FBXW4: variants seen among roughly 807,000 people sequenced by gnomAD.
FBXW4 encodes F-box and WD repeat domain containing 4.
A neutral mutation model predicts 61.8 loss-of-function variants in FBXW4; 40 were observed. The observed-to-expected ratio is 0.65, with a 90% confidence interval of 0.50 to 0.84. FBXW4 has a LOEUF of 0.84. Ranked by LOEUF, FBXW4 falls within the 40% of genes least tolerant of loss-of-function variation. FBXW4 has a pLI of 0.00. For synonymous variants in FBXW4, 311 were observed against 313.8 expected (o/e 0.99, Z 0.10); for missense variants, 672 against 753.8 (o/e 0.89, Z 1.27).
At chr10:101,676,799 A>G (rs2064415217) in intron 1 of FBXW4, 1 of 156,800 alleles carries the variant, frequency 6.4e-6, no homozygotes, top group Non-Finnish European at 1.4e-5. Context: ...CAGATCATAA[A>G]CTTAAAATCT....
intron 1 of FBXW4, among the ~76,000 whole-genome samples, chr10:101,677,658 C>A (rs1287559788): frequency 1.3e-5 from 2 of 151,992 alleles, no homozygotes; most frequent in Non-Finnish European, 2.9e-5. Flanking sequence ...TAGTGGCTCA[C>A]AACTGTAATC....
intron 1 of FBXW4, among the ~76,000 whole-genome samples, chr10:101,683,875 TACA>T (rs2134913236): frequency 6.6e-6 from 1 of 152,280 alleles, no homozygotes; most frequent in East Asian, 1.9e-4. Context: ...TCTCCAAGTG[TACA>T]ACAAGGCCAT....
chr10:101,694,397 G>C lies in FBXW4; in HGVS notation c.709C>G (p.Arg237Gly). ...ARASLNSGFT[R>G]LGTDLMTSVP... Reference sequence around the variant, plus strand: ...GACGCTTACAGGTCGGTGCCGAGCCGCGTGAAGCCGGAGTTGAGCGAGGCC... The same window carrying C: ...GACGCTTACAGGTCGGTGCCGAGCCCCGTGAAGCCGGAGTTGAGCGAGGCC... Residue 237 changes from arginine (R) to glycine (G), a missense_variant, in exon 1 of 9, where the codon CGG becomes GGG. Arg to Gly is a moderately radical substitution (Grantham distance 125). Around this residue, in one of 5 missense-constraint regions of FBXW4, gnomAD observed 311 missense variants for 301.1 expected, o/e 1.03. Transcript: ENST00000331272. This position sits in a 1 kb window ranked among gnomAD's most constrained non-coding sequence, Gnocchi z 6.0. 1 of 1,480,982 alleles carries C rather than the reference G, an allele frequency of 6.8e-7. No individual in the cohort carries two copies. The highest frequency in any genetic ancestry group is 8.9e-7 in the Non-Finnish European group (1 of 1,127,662). The allele number at this position is 1,480,982 out of a possible 1,614,324, so 91.7% of individuals were successfully genotyped here.
chr10:101,665,045 G>T (rs1411675591), intron 5 of FBXW4, among the ~76,000 whole-genome samples: 1 of 152,128 alleles, frequency 6.6e-6, no homozygotes, highest in Admixed American at 6.5e-5. Context: ...CTGCTTTAAA[G>T]AACAGACCCT....
intron 5 of FBXW4, among the ~76,000 whole-genome samples, chr10:101,655,285 C>T (rs1220405069): frequency 6.6e-6 from 1 of 152,216 alleles, no homozygotes; most frequent in African/African-American, 2.4e-5. Context: ...AATTTAAAAA[C>T]TCTAACTTTT....
intron 4 of FBXW4, among the ~76,000 whole-genome samples, chr10:101,672,109 T>G (rs1176107937): frequency 6.6e-6 from 1 of 152,216 alleles, no homozygotes; most frequent in Non-Finnish European, 1.5e-5. Flanking sequence ...GCAAGCATTT[T>G]TTTCCTGTTA....
chr10:101,624,860 G>A, intron 5 of FBXW4, 50 bp from the exon 6 acceptor site: 1 of 1,588,546 alleles, frequency 6.3e-7, no homozygotes, highest in Non-Finnish European at 8.6e-7. Flanking sequence ...CAGAACCTGT[G>A]GTGGAAATGG....
intron 5 of FBXW4, among the ~76,000 whole-genome samples, chr10:101,665,821 G>C (rs1311038218): frequency 2.6e-5 from 4 of 152,162 alleles, no homozygotes; most frequent in South Asian, 2.1e-4. Flanking sequence ...AGAGGAGGAG[G>C]CTGGAATAGA....
At chr10:101,619,784 C>T (rs1185725824) in intron 6 of FBXW4, among the ~76,000 whole-genome samples, 1 of 152,126 alleles carries the variant, frequency 6.6e-6, no homozygotes, top group Non-Finnish European at 1.5e-5. Context: ...CCCCTCCATC[C>T]CTGTTCCAGC....
chr10:101,628,436 C>T (rs183344531), intron 5 of FBXW4, among the ~76,000 whole-genome samples: 7 of 152,298 alleles, frequency 4.6e-5, no homozygotes, highest in Admixed American at 1.3e-4. Context: ...CCTTTGAGAT[C>T]AGAATCCTTT....
At chr10:101,618,425 G>C (rs926810461) in intron 6 of FBXW4, among the ~76,000 whole-genome samples, 12 of 152,192 alleles carry the variant, frequency 7.9e-5, no homozygotes, top group African/African-American at 2.9e-4. Context: ...TCTGGGCATG[G>C]GGTTGGCTTG....
intron 6 of FBXW4, among the ~76,000 whole-genome samples, chr10:101,617,293 CACAGACAAT>C (rs1200037288): frequency 2.6e-5 from 4 of 152,178 alleles, no homozygotes; most frequent in African/African-American, 9.7e-5. Context: ...TCCCCACCTT[CACAGACAAT>C]GCAGCCACTC....
intron 1 of FBXW4, among the ~76,000 whole-genome samples, chr10:101,692,503 C>T (rs1429722755): frequency 1.3e-5 from 2 of 151,840 alleles, no homozygotes; most frequent in Non-Finnish European, 2.9e-5. Context: ...TGCCTGTAAT[C>T]CCAGCACTTT....
intron 5 of FBXW4, among the ~76,000 whole-genome samples, chr10:101,634,573 C>T (rs1439547255): frequency 1.3e-5 from 2 of 148,776 alleles, no homozygotes; most frequent in African/African-American, 2.5e-5. Context: ...ATCAGAATAA[C>T]GAATCCAAAG....
intron 1 of FBXW4, among the ~76,000 whole-genome samples, chr10:101,691,868 C>A (rs6584443): frequency 1 from 151,848 of 152,346 alleles, 75,678 homozygotes; most frequent in East Asian, 1. Flanking sequence ...ATCATGAATA[C>A]AATCATCCTA....
At chr10:101,683,748 C>A (rs369336513) in intron 1 of FBXW4, among the ~76,000 whole-genome samples, 1 of 152,042 alleles carries the variant, frequency 6.6e-6, no homozygotes, top group East Asian at 1.9e-4. Flanking sequence ...CCTCTCTGTC[C>A]CATCTCACAG....
At chr10:101,644,281 G>C (rs915028652) in intron 5 of FBXW4, among the ~76,000 whole-genome samples, 2 of 152,348 alleles carry the variant, frequency 1.3e-5, no homozygotes, top group Non-Finnish European at 2.9e-5. Flanking sequence ...TGGTGAGCCA[G>C]AGCAGGACTG....
chr10:101,632,509 G>C (rs1476565962), intron 5 of FBXW4, among the ~76,000 whole-genome samples: 2 of 152,142 alleles, frequency 1.3e-5, no homozygotes, highest in African/African-American at 4.8e-5. Flanking sequence ...GCCCAGGCTA[G>C]ACAAAAGGAA....
chr10:101,686,886 C>A (rs1191277821), intron 1 of FBXW4, among the ~76,000 whole-genome samples: 10 of 152,058 alleles, frequency 6.6e-5, no homozygotes, highest in Non-Finnish European at 1.5e-4. Context: ...TAGCAACTCA[C>A]TTCTGGAGGG....
Sources: allele counts gnomAD v4.1 joint callset (sites outside exome capture counted in the v4.1 genomes callset), GRCh38; gene constraint gnomAD v4.1.1; regional missense constraint gnomAD v4.1.1; non-coding constraint Gnocchi (gnomAD v3.1); transcripts MANE v1.5; gene names NCBI Gene and HGNC (gene_info 2026-07-23, HGNC 2026-07-21).